The following SRBD1 variants were observed in gnomAD, a reference collection of about 807,000 sequenced individuals.
SRBD1 encodes S1 RNA-binding domain-containing protein 1.
Under a neutral mutation model 115.3 loss-of-function variants are expected in SRBD1, and 88 were observed. The ratio of observed to expected loss-of-function variants is 0.76; its 90% CI spans 0.64 to 0.91. SRBD1 has a LOEUF of 0.91. Among genes scored for constraint, SRBD1 ranks in the 40% least tolerant of loss-of-function variants. SRBD1 has a pLI of 0.00. For missense variants in SRBD1, 1,385 were observed against 1,177.4 expected (o/e 1.18, Z -2.58); for synonymous variants, 509 against 407.7 (o/e 1.25, Z -2.99).
At position 45,407,247 on chromosome 2, in the gene SRBD1, T is replaced by C. The variant is rs552060011; in HGVS notation, c.2513+5867A>G. On this transcript the variant is annotated intron_variant, in intron 19 of 20. Coordinates refer to ENST00000263736, the MANE Select transcript of SRBD1 (RefSeq NM_018079.5). ...GTAATGAGGAAGTAGTCAATGAAGG[T>C]TGTTTGTACTGGACCATTAACTATT... is the stretch of plus-strand genomic sequence containing the variant. Among the ~76,000 whole-genome samples, 16 of 152,290 alleles carry C rather than the reference T, an allele frequency of 1.1e-4. 1 individual carries two copies. The highest frequency in any genetic ancestry group is 3.3e-4 in the Admixed American group (5 of 15,300).
chr2:45,408,501 C>G (rs757037991), intron 19 of SRBD1, among the ~76,000 whole-genome samples: 15 of 152,122 alleles, frequency 9.9e-5, no homozygotes, highest in Non-Finnish European at 1.8e-4. Context: ...CCAAAGGAAA[C>G]AGACAGAAAG....
intron 15 of SRBD1, among the ~76,000 whole-genome samples, chr2:45,483,059 C>T (rs1038481611): frequency 6.6e-6 from 1 of 151,946 alleles, no homozygotes; most frequent in Non-Finnish European, 1.5e-5. Flanking sequence ...CTTTAAAGTT[C>T]ATTTGCAAAA....
intron 14 of SRBD1, among the ~76,000 whole-genome samples, chr2:45,522,438 A>G (rs1671314725): frequency 6.6e-6 from 1 of 152,188 alleles, no homozygotes; most frequent in Non-Finnish European, 1.5e-5. Flanking sequence ...TCAGCCTTCC[A>G]AAGTGCTGGG....
intron 10 of SRBD1, among the ~76,000 whole-genome samples, chr2:45,558,510 A>G (rs2104087764): frequency 6.6e-6 from 1 of 152,186 alleles, no homozygotes. Context: ...TCTGGACCTA[A>G]ATATTAGTTT....
intron 16 of SRBD1, among the ~76,000 whole-genome samples, chr2:45,422,745 C>G (rs958631231): frequency 5.3e-5 from 8 of 152,174 alleles, no homozygotes; most frequent in African/African-American, 1.9e-4. Context: ...TATCTATCGG[C>G]AAAGAGCTGA....
intron 16 of SRBD1, among the ~76,000 whole-genome samples, chr2:45,438,683 T>C (rs1481118868): frequency 1.3e-5 from 2 of 151,512 alleles, no homozygotes; most frequent in Non-Finnish European, 2.9e-5. Flanking sequence ...AGACCAGAAA[T>C]AAAAAAAGAA....
chr2:45,422,884 T>C (rs1241276004), intron 16 of SRBD1, among the ~76,000 whole-genome samples: 1 of 152,162 alleles, frequency 6.6e-6, no homozygotes, highest in East Asian at 1.9e-4. Flanking sequence ...GTCCTTAAAA[T>C]GAATCACTCT....
chr2:45,534,618 G>A (rs1317805882), intron 14 of SRBD1, among the ~76,000 whole-genome samples: 1 of 151,850 alleles, frequency 6.6e-6, no homozygotes, highest in Non-Finnish European at 1.5e-5. Context: ...ATCATTCCTA[G>A]AAAACTGCAT....
At chr2:45,439,821 T>C (rs1668606243) in intron 16 of SRBD1, among the ~76,000 whole-genome samples, 1 of 151,046 alleles carries the variant, frequency 6.6e-6, no homozygotes, top group African/African-American at 2.4e-5. Context: ...AAGTAAAAAA[T>C]ACAACCTAAG....
chr2:45,433,277 G>A (rs971688855), intron 16 of SRBD1, among the ~76,000 whole-genome samples: 1 of 152,058 alleles, frequency 6.6e-6, no homozygotes, highest in African/African-American at 2.4e-5. Context: ...TGGATGCTGA[G>A]TGCACCCATC....
chr2:45,410,961 T>C (rs928628451), intron 19 of SRBD1, among the ~76,000 whole-genome samples: 2 of 152,166 alleles, frequency 1.3e-5, no homozygotes, highest in Non-Finnish European at 2.9e-5. Flanking sequence ...CTTTGTAATA[T>C]CCTTTATAAT....
intron 14 of SRBD1, among the ~76,000 whole-genome samples, chr2:45,512,610 G>T (rs746615410): frequency 6.6e-6 from 1 of 152,098 alleles, no homozygotes. Context: ...GACAATCATT[G>T]TGCTTTACGT....
chr2:45,424,834 A>T (rs767587748), intron 16 of SRBD1, among the ~76,000 whole-genome samples: 4 of 152,108 alleles, frequency 2.6e-5, no homozygotes, highest in Non-Finnish European at 4.4e-5. Flanking sequence ...TGTGAGGGTA[A>T]ATCTGCTAGG....
intron 15 of SRBD1, among the ~76,000 whole-genome samples, chr2:45,484,751 G>A (rs1373090605): frequency 6.6e-6 from 1 of 152,124 alleles, no homozygotes; most frequent in Admixed American, 6.6e-5. Flanking sequence ...GTCCATTCCT[G>A]TCTCTCCCCA....
intron 5 of SRBD1, among the ~76,000 whole-genome samples, chr2:45,582,499 G>C (rs530036027): frequency 1.7e-4 from 26 of 152,134 alleles, no homozygotes; most frequent in Non-Finnish European, 3.5e-4. Flanking sequence ...ATTTTGTGGA[G>C]AGGTACTTTG....
At chr2:45,574,979 G>A (rs994449577) in intron 7 of SRBD1, among the ~76,000 whole-genome samples, 4 of 152,088 alleles carry the variant, frequency 2.6e-5, no homozygotes, top group African/African-American at 7.2e-5. Flanking sequence ...CTGCCTTGTC[G>A]AATCCTGGTT....
At chr2:45,543,470 GA>G (rs796298241) in intron 14 of SRBD1, among the ~76,000 whole-genome samples, 19 of 152,320 alleles carry the variant, frequency 1.2e-4, no homozygotes, top group African/African-American at 4.6e-4. Context: ...TGTGCTGGTA[GA>G]TATGGCTGGA....
At chr2:45,569,793 A>G (rs539634031) in intron 9 of SRBD1, among the ~76,000 whole-genome samples, 2 of 152,334 alleles carry the variant, frequency 1.3e-5, no homozygotes, top group Non-Finnish European at 2.9e-5. Context: ...TTTCTCAAAT[A>G]TAACATACAA....
intron 16 of SRBD1, among the ~76,000 whole-genome samples, chr2:45,420,838 A>T (rs966133274): frequency 2.8e-4 from 42 of 152,198 alleles, no homozygotes; most frequent in African/African-American, 1.0e-3. Flanking sequence ...TGATAGTAGC[A>T]CTATCTTAAT....
Sources: gnomAD v4.1 joint callset for allele counts (sites outside exome capture counted in the v4.1 genomes callset) on GRCh38, gnomAD v4.1.1 for gene constraint, MANE v1.5 for transcripts, NCBI Gene and HGNC (gene_info 2026-07-23, HGNC 2026-07-21) for gene names.